UCN3: variants seen among roughly 807,000 people sequenced by gnomAD.
UCN3 encodes the protein urocortin 3, also known as urocortin-3.
UCN3 carries 3 observed loss-of-function variants against 3.6 expected under a neutral mutation model. That is an observed-to-expected ratio of 0.83 (90% CI 0.38 to 2.15). UCN3 has a LOEUF of 2.15. Among genes scored for constraint, UCN3 ranks in the 30% most tolerant of loss-of-function variants. The pLI, the probability that UCN3 is intolerant of heterozygous loss-of-function variation, is 0.06. For missense variants in UCN3, 206 were observed against 208.3 expected, an observed-to-expected ratio of 0.99 and a Z score of 0.07; for synonymous variants, 100 against 93.2, an observed-to-expected ratio of 1.07 and a Z score of -0.42.
intron 1 of UCN3, among the ~76,000 whole-genome samples, chr10:5,368,182 T>G (rs965290353): frequency 6.6e-5 from 10 of 151,992 alleles, no homozygotes; most frequent in Non-Finnish European, 1.2e-4. Context: ...TTTTGTATTT[T>G]TAGTAGAGAC....
chr10:5,370,869 A>ATG (rs1441314899), intron 1 of UCN3, among the ~76,000 whole-genome samples: 1 of 47,100 alleles, frequency 2.1e-5, no homozygotes, highest in African/African-American at 1.1e-4. Flanking sequence ...GTGCGTGTGT[A>ATG]TGTGTGTGTA....
chr10:5,369,987 ATGTGTGTATGTG>A (rs1294869866), intron 1 of UCN3, among the ~76,000 whole-genome samples: 339 of 17,322 alleles, frequency 0.02, 57 homozygotes, highest in South Asian at 0.078. Context: ...GCGTGTGTAT[ATGTGTGTATGTG>A]TGTGTGTATG....
In UCN3 at chr10:5,370,648, T is replaced by C. The variant is rs1394757432; in HGVS notation, c.-6-3067T>C. Reference sequence around the variant, plus strand: ...ATGCGTGTGTATGTGTGTGTATATGTGTGTGTATGTGTGTGTATGTGTGTG... The same window carrying C: ...ATGCGTGTGTATGTGTGTGTATATGCGTGTGTATGTGTGTGTATGTGTGTG... On this transcript the variant is annotated intron_variant, in intron 1 of 1. Coordinates refer to ENST00000380433, the MANE Select transcript of UCN3 (RefSeq NM_053049.4). Among the ~76,000 whole-genome samples the C allele has an allele frequency of 6.3e-4, 38 of 60,776 alleles. 2 individuals are homozygous for C. The highest frequency in any genetic ancestry group is 1.2e-3 in the African/African-American group (16 of 13,034). 39.9% of individuals were successfully genotyped at this position (60,776 alleles called of 152,430 possible).
chr10:5,370,610 T>A (rs1831378471), intron 1 of UCN3, among the ~76,000 whole-genome samples: 1 of 101,874 alleles, frequency 9.8e-6, no homozygotes, highest in Non-Finnish European at 2.1e-5. Context: ...TATGCGTGTG[T>A]ATATGCGTGT....
intron 1 of UCN3, among the ~76,000 whole-genome samples, chr10:5,370,551 GTGTA>G (rs1564443178): frequency 8.4e-6 from 1 of 118,640 alleles, no homozygotes; most frequent in African/African-American, 3.3e-5. Context: ...GTGTATATGT[GTGTA>G]TATGTGTGTG....
Position 5,370,626 on chromosome 10 carries a change from CGT to C in UCN3, c.-6-3084_-6-3083del, listed in dbSNP as rs1294714912. ...ATGCGTGTGTATATGCGTGTATATGCGTGTGTATGTGTGTGTATATGTGTGTG... is the reference window on the plus strand; with the variant it reads ...ATGCGTGTGTATATGCGTGTATATGCGTGTATGTGTGTGTATATGTGTGTG... On this transcript the variant is annotated intron_variant, in intron 1 of 1. Coordinates refer to ENST00000380433, the MANE Select transcript of UCN3 (RefSeq NM_053049.4). Among the ~76,000 whole-genome samples, 2 of 22,760 alleles carry C rather than the reference CGT, an allele frequency of 8.8e-5. 1 individual carries two copies. The highest frequency in any genetic ancestry group is 1.6e-4 in the Non-Finnish European group (2 of 12,140). 14.9% of individuals were successfully genotyped at this position (22,760 alleles called of 152,430 possible). A position where few individuals can be genotyped will look rare whatever the true frequency, so the allele number is the denominator to read the frequency against.
intron 1 of UCN3, among the ~76,000 whole-genome samples, chr10:5,370,986 GGT>G (rs1831415990): frequency 3.3e-5 from 5 of 150,534 alleles, no homozygotes; most frequent in African/African-American, 1.2e-4. Flanking sequence ...GTACATGTGA[GGT>G]ATGTATGTGT....
chr10:5,369,427 C>T (rs1554810984), intron 1 of UCN3, among the ~76,000 whole-genome samples: 2 of 152,202 alleles, frequency 1.3e-5, no homozygotes, highest in South Asian at 2.1e-4. Flanking sequence ...TCATCGAATC[C>T]TTCACTTAAC....
chr10:5,366,994 G>A lies in UCN3; in HGVS notation c.-7+1764G>A, dbSNP rs970327774. The stretch of plus-strand genomic sequence containing the variant: ...AGTATTCTTCTCTGATGGTAGACTT[G>A]GGATTTGAAAAATAAGAAGGTAATG... On this transcript the variant is annotated intron_variant, in intron 1 of 1. Transcript: ENST00000380433. This position sits in a 1 kb window ranked among gnomAD's most constrained non-coding sequence, Gnocchi z 4.2. Among the ~76,000 whole-genome samples the A allele has an allele frequency of 1.3e-5, 2 of 152,146 alleles. No homozygotes were observed. Among genetic ancestry groups the A allele is most frequent in the Admixed American group, 1.3e-4 (2 of 15,284 alleles).
rs1419986949 is a variant in UCN3, at chr10:5,374,272, G to T, written c.*66G>T. 132 of 581,118 alleles carry T rather than the reference G, an allele frequency of 2.3e-4. No homozygotes were observed. Among genetic ancestry groups the T allele is most frequent in the Non-Finnish European group, 3.0e-4 (104 of 341,764 alleles). 36.0% of individuals were successfully genotyped at this position (581,118 alleles called of 1,614,324 possible). A position where few individuals can be genotyped will look rare whatever the true frequency, so the allele number is the denominator to read the frequency against. On this transcript the variant is annotated 3_prime_UTR_variant, in exon 2 of 2. Coordinates refer to ENST00000380433, the MANE Select transcript of UCN3 (RefSeq NM_053049.4). ...GAGGGGAGGGGGAGGGGAGGGCGAGGGGGGGAGGGGAGGGGGAGGGTGCTG... is the reference window on the plus strand; with the variant it reads ...GAGGGGAGGGGGAGGGGAGGGCGAGTGGGGGAGGGGAGGGGGAGGGTGCTG...
At chr10:5,370,313 GTA>G (rs147407247) in intron 1 of UCN3, among the ~76,000 whole-genome samples, 16 of 36,056 alleles carry the variant, frequency 4.4e-4, no homozygotes, top group Non-Finnish European at 6.3e-4. Flanking sequence ...GTATATGCGT[GTA>G]TGTGTGTGTA....
In UCN3 at chr10:5,369,863, GTGTGTGTGTATA is replaced by G. The variant is rs1370452066; in HGVS notation, c.-6-3830_-6-3819del. On this transcript the variant is annotated intron_variant, in intron 1 of 1. Coordinates refer to ENST00000380433, the MANE Select transcript of UCN3 (RefSeq NM_053049.4). ...GCTGGGTAAACATTTATCCACGTGG[GTGTGTGTGTATA>G]TGTGTGTGTATATGTGTGTGTGTAT... Among the ~76,000 whole-genome samples, 44 of 134,940 alleles carry G rather than the reference GTGTGTGTGTATA, an allele frequency of 3.3e-4. 10 individuals are homozygous for G. Among genetic ancestry groups the G allele is most frequent in the South Asian group, 1.8e-3 (7 of 3,892 alleles). The allele number at this position is 134,940 out of a possible 152,430, so 88.5% of individuals were successfully genotyped here.
Position 5,365,597 on chromosome 10 carries a change from C to T in UCN3, c.-7+367C>T, listed in dbSNP as rs1834109187. On this transcript the variant is annotated intron_variant, in intron 1 of 1. Coordinates refer to ENST00000380433, the MANE Select transcript of UCN3 (RefSeq NM_053049.4). This position sits in a 1 kb window ranked among gnomAD's most constrained non-coding sequence, Gnocchi z 4.4. The stretch of plus-strand genomic sequence containing the variant: ...TACAAATGGGGATGGGGTAGGGATG[C>T]CGGGGCTAATGGGAGCCACAGGACA... Among the ~76,000 whole-genome samples the T allele has an allele frequency of 6.6e-6, 1 of 152,146 alleles. No homozygotes were observed. The highest frequency in any genetic ancestry group is 2.1e-4 in the South Asian group (1 of 4,828).
chr10:5,370,028 T>C (rs1554811079), intron 1 of UCN3, among the ~76,000 whole-genome samples: 1 of 132,400 alleles, frequency 7.6e-6, no homozygotes. Context: ...TATGTGTGTG[T>C]ATATGCGTGT....
At chr10:5,369,796 TG>T (rs1475914277) in intron 1 of UCN3, among the ~76,000 whole-genome samples, 2 of 152,146 alleles carry the variant, frequency 1.3e-5, no homozygotes, top group African/African-American at 2.4e-5. Context: ...ACAGCTGCAA[TG>T]TGGAGAACCA....
intron 1 of UCN3, among the ~76,000 whole-genome samples, chr10:5,372,213 AC>A (rs1831439875): frequency 1.4e-4 from 22 of 152,202 alleles, no homozygotes; most frequent in African/African-American, 5.3e-4. Flanking sequence ...AAAAGGACTG[AC>A]TGCAGAATGG....
chr10:5,373,989 C>G lies in UCN3; in HGVS notation c.269C>G (p.Ala90Gly), dbSNP rs1554811792. The change falls in exon 2 of 2, where the codon GCC (alanine) becomes GGC (glycine). Residue 90 changes from alanine (A) to glycine (G), a missense_variant. Transcript: ENST00000380433. ...CCCATCTCTGGGGCCAGGGGTGGAG[C>G]CAGAGGCACCCGGTACAGATACGTG... ...TFPISGARGG[A>G]RGTRYRYVSQ... The G allele has an allele frequency of 2.5e-6, 4 of 1,610,230 alleles. 1 individual carries two copies. The South Asian group carries it at 4.4e-5, about 18-fold the overall frequency.
chr10:5,373,275 C>A (rs1317930674), intron 1 of UCN3, among the ~76,000 whole-genome samples: 17 of 152,194 alleles, frequency 1.1e-4, no homozygotes, highest in Non-Finnish European at 2.4e-4. Context: ...TTCAGTCAGC[C>A]TTGCCAATGA....
chr10:5,370,034 CGTGTGTATATGCGTGTGTATGTGT>C (rs1831331595), intron 1 of UCN3, among the ~76,000 whole-genome samples: 5 of 14,990 alleles, frequency 3.3e-4, no homozygotes, highest in Admixed American at 9.4e-4. Flanking sequence ...TGTGTATATG[CGTGTGTATATGCGTGTGTATGTGT>C]GTGTATATGT....
Sources: allele counts gnomAD v4.1 joint callset (sites outside exome capture counted in the v4.1 genomes callset), GRCh38; gene constraint gnomAD v4.1.1; non-coding constraint Gnocchi (gnomAD v3.1); transcripts MANE v1.5; gene names NCBI Gene and HGNC (gene_info 2026-07-23, HGNC 2026-07-21).